ZNF513: variants seen among roughly 807,000 people sequenced by gnomAD.
ZNF513 encodes zinc finger protein 513.
Under a neutral mutation model 39.7 loss-of-function variants are expected in ZNF513, and 16 were observed. That is an observed-to-expected ratio of 0.40 (90% CI 0.27 to 0.61). The LOEUF (loss-of-function observed/expected upper bound fraction) is 0.61, where lower values mean the gene tolerates loss of function less well. ZNF513 is among the 20% of genes least tolerant of loss of function. The pLI is 0.39. For synonymous variants in ZNF513, 348 were observed against 296.5 expected (o/e 1.17, Z -1.79); for missense variants, 699 against 743.6 (o/e 0.94, Z 0.70).
Position 27,377,383 on chromosome 2 carries a change from C to A in ZNF513, c.*162G>T, listed in dbSNP as rs868292796. ...TTCTCACTGAGCTCGTGAAGTGCCT[C>A]AGTCAAGGCAAGGTCCCCTGGTCCA... On this transcript the variant is annotated 3_prime_UTR_variant, in exon 4 of 4. Transcript: ENST00000323703. The surrounding 1 kb of genome is among the most constrained non-coding windows in gnomAD (Gnocchi z 4.4). 19 of 780,290 alleles carry A rather than the reference C, an allele frequency of 2.4e-5. No individual in the cohort carries two copies. The highest frequency in any genetic ancestry group is 3.5e-5 in the Non-Finnish European group (16 of 456,392). 48.3% of individuals were successfully genotyped at this position (780,290 alleles called of 1,614,324 possible).
chr2:27,378,525 T>A lies in ZNF513; in HGVS notation c.741A>T (p.Arg247=). Residue 247 remains arginine, a synonymous_variant, in exon 3 of 4, where the codon CGA becomes CGT. Coordinates refer to ENST00000323703, the MANE Select transcript of ZNF513 (RefSeq NM_144631.6). The surrounding 1 kb of genome is among the most constrained non-coding windows in gnomAD (Gnocchi z 8.0). ...CTGTGGGACTGGGAGGCCGGGCTGG[T>A]CGTGGAGTACAGCAGCGGAAGCCAC... The part of the protein sequence containing the change: ...PTCGFRCCTP[R]PARPPSPTEQ... The A allele has an allele frequency of 6.2e-7, 1 of 1,614,024 alleles. No individual in the cohort carries two copies. The highest frequency in any genetic ancestry group is 8.5e-7 in the Non-Finnish European group (1 of 1,180,016).
In ZNF513 at chr2:27,377,635, T is replaced by G. The variant is rs1195220740; in HGVS notation, c.1536A>C (p.Pro512=). The change falls in exon 4 of 4, where the codon CCA becomes CCC. Residue 512 remains proline (P), a synonymous_variant. Coordinates refer to ENST00000323703, the MANE Select transcript of ZNF513 (RefSeq NM_144631.6). This position sits in a 1 kb window ranked among gnomAD's most constrained non-coding sequence, Gnocchi z 4.4. Reference sequence around the variant, plus strand: ...TCAAAACAGAGGGTGGGCTATGAGGTGGGGCCCAGCCCTCAGAGGCAGAGA... The same window carrying G: ...TCAAAACAGAGGGTGGGCTATGAGGGGGGGCCCAGCCCTCAGAGGCAGAGA... ...PGLSASEGWA[P]PHSPPSVLSS... 3.1e-6 allele frequency: 5 copies of G among 1,613,912 alleles called. No homozygotes were observed. The highest frequency in any genetic ancestry group is 2.7e-5 in the African/African-American group (2 of 74,900).
rs1683480755 is a variant in ZNF513, at chr2:27,378,849, ACCCGGCCCTCCT to A, written c.405_416del (p.Gly139_Pro142del). Reference sequence around the variant, plus strand: ...GCCGTGGGGGCAGCAGGGGCCCCCCACCCGGCCCTCCTGCCCCACAACACGGCCCCTCACCTG... The same window carrying A: ...GCCGTGGGGGCAGCAGGGGCCCCCCAGCCCCACAACACGGCCCCTCACCTG... On this transcript the variant is annotated inframe_deletion, in exon 3 of 4. Coordinates refer to ENST00000323703, the MANE Select transcript of ZNF513 (RefSeq NM_144631.6). This position sits in a 1 kb window ranked among gnomAD's most constrained non-coding sequence, Gnocchi z 8.0. The A allele has an allele frequency of 1.9e-6, 3 of 1,605,216 alleles. No individual in the cohort carries two copies. Among genetic ancestry groups the A allele is most frequent in the Middle Eastern group, 1.7e-4 (1 of 5,984 alleles).
At position 27,378,995 on chromosome 2, in the gene ZNF513, C is replaced by T. The variant is rs780964455; in HGVS notation, c.271G>A (p.Gly91Ser). 6.2e-7 allele frequency: 1 copy of T among 1,613,128 alleles called. No homozygotes were observed. The highest frequency in any genetic ancestry group is 1.3e-5 in the African/African-American group (1 of 74,926). The change falls in exon 3 of 4, where the codon GGC (glycine) becomes AGC (serine). Residue 91 changes from glycine to serine, a missense_variant. Transcript: ENST00000323703. This position sits in a 1 kb window ranked among gnomAD's most constrained non-coding sequence, Gnocchi z 8.0. Reference protein sequence around the residue: ...PYGLSDDESGGGRALSAESEV... With the variant: ...PYGLSDDESGSGRALSAESEV... The stretch of plus-strand genomic sequence containing the variant: ...CTCTCCGCACTTAGTGCCCGGCCGC[C>T]CCCAGACTCATCGTCGCTCAGCCCA...
intron 1 of ZNF513, 80 bp from the exon 2 acceptor site, chr2:27,380,328 C>G (rs1683562084): frequency 1.2e-6 from 2 of 1,611,262 alleles, no homozygotes; most frequent in South Asian, 2.2e-5. Flanking sequence ...CGCTGACCCA[C>G]TCTGATTCCC....
Position 27,379,011 on chromosome 2 carries a change from G to C in ZNF513, c.255C>G (p.Ser85Arg). 1 of 1,613,092 alleles carries C rather than the reference G, an allele frequency of 6.2e-7. No homozygotes were observed. The highest frequency in any genetic ancestry group is 8.5e-7 in the Non-Finnish European group (1 of 1,179,988). The change falls in exon 3 of 4, where the codon AGC becomes AGG. Residue 85 changes from serine to arginine, a missense_variant. Transcript: ENST00000323703. ...CCCGGCCGCCCCCAGACTCATCGTC[G>C]CTCAGCCCATAGGGAAGCCCAGGCC... is the stretch of plus-strand genomic sequence containing the variant. The part of the protein sequence containing the change: ...GARPGLPYGL[S>R]DDESGGGRAL...
chr2:27,377,388 A>C lies in ZNF513; in HGVS notation c.*157T>G. 1.2e-6 allele frequency: 1 copy of C among 809,676 alleles called. No individual in the cohort carries two copies. Among genetic ancestry groups the C allele is most frequent in the Non-Finnish European group, 2.1e-6 (1 of 482,982 alleles). The allele number at this position is 809,676 out of a possible 1,614,324, so 50.2% of individuals were successfully genotyped here. ...ACTGAGCTCGTGAAGTGCCTCAGTC[A>C]AGGCAAGGTCCCCTGGTCCATATGG... On this transcript the variant is annotated 3_prime_UTR_variant, in exon 4 of 4. Coordinates refer to ENST00000323703, the MANE Select transcript of ZNF513 (RefSeq NM_144631.6). The surrounding 1 kb of genome is among the most constrained non-coding windows in gnomAD (Gnocchi z 4.4).
chr2:27,378,615 G>A lies in ZNF513; in HGVS notation c.651C>T (p.Ser217=). 3 of 1,613,830 alleles carry A rather than the reference G, an allele frequency of 1.9e-6. No individual in the cohort carries two copies. The highest frequency in any genetic ancestry group is 2.5e-6 in the Non-Finnish European group (3 of 1,179,972). ...GCTGATGCCGCCTCAGGTTGCCCAG[G>A]CTGCTGCAGGCAAAGGGGCAGTGGG... ...RCPHCPFACS[S]LGNLRRHQRT... Residue 217 remains serine (S), a synonymous_variant, in exon 3 of 4, where the codon AGC becomes AGT. Coordinates refer to ENST00000323703, the MANE Select transcript of ZNF513 (RefSeq NM_144631.6). This position sits in a 1 kb window ranked among gnomAD's most constrained non-coding sequence, Gnocchi z 8.0.
intron 1 of ZNF513, 55 bp downstream of exon 1, chr2:27,380,417 C>G (rs915957246): frequency 8.9e-6 from 14 of 1,576,614 alleles, no homozygotes; most frequent in Non-Finnish European, 1.2e-5. Context: ...TGACCTGAGC[C>G]CACTCCACTG....
rs772637253 is a variant in ZNF513 at position 27,378,530 on chromosome 2, G to T, written c.736C>A (p.Pro246Thr). 4.3e-6 allele frequency: 7 copies of T among 1,614,116 alleles called. No homozygotes were observed. The South Asian group carries it at 7.7e-5, about 18-fold the overall frequency. Reference sequence around the variant, plus strand: ...GGACTGGGAGGCCGGGCTGGTCGTGGAGTACAGCAGCGGAAGCCACAGGTC... The same window carrying T: ...GGACTGGGAGGCCGGGCTGGTCGTGTAGTACAGCAGCGGAAGCCACAGGTC... ...CPTCGFRCCTPRPARPPSPTE... is the reference protein window; with the variant it reads ...CPTCGFRCCTTRPARPPSPTE... The change falls in exon 3 of 4, where the codon CCA becomes ACA. Residue 246 changes from proline to threonine, a missense_variant. Physicochemically the swap from Pro to Thr is conservative, Grantham distance 38. Coordinates refer to ENST00000323703, the MANE Select transcript of ZNF513 (RefSeq NM_144631.6). The surrounding 1 kb of genome is among the most constrained non-coding windows in gnomAD (Gnocchi z 8.0).
chr2:27,378,857 C>G lies in ZNF513; in HGVS notation c.409G>C (p.Gly137Arg). The change falls in exon 3 of 4, where the codon GGG (glycine) becomes CGG (arginine). Residue 137 changes from glycine (G) to arginine (R), a missense_variant. By Grantham distance (125) the Gly-to-Arg change is moderately radical (BLOSUM62 -2). Coordinates refer to ENST00000323703, the MANE Select transcript of ZNF513 (RefSeq NM_144631.6). This position sits in a 1 kb window ranked among gnomAD's most constrained non-coding sequence, Gnocchi z 8.0. ...GGCAGCAGGGGCCCCCCACCCGGCC[C>G]TCCTGCCCCACAACACGGCCCCTCA... The part of the protein sequence containing the change: ...TGEGPCCGAG[G>R]PGGGPLLPPR... The G allele has an allele frequency of 6.2e-7, 1 of 1,605,646 alleles. No homozygotes were observed. Among genetic ancestry groups the G allele is most frequent in the South Asian group, 1.1e-5 (1 of 90,442 alleles).
At position 27,377,777 on chromosome 2, in the gene ZNF513, C is replaced by T. The variant is rs1683403393; in HGVS notation, c.1394G>A (p.Arg465Gln). The change falls in exon 4 of 4, where the codon CGG becomes CAG. Residue 465 changes from arginine to glutamine, a missense_variant. Physicochemically the swap from Arg to Gln is conservative, Grantham distance 43. This residue lies in a region of ZNF513 where 98 missense variants were observed against 180.2 expected (regional missense o/e 0.54). Coordinates refer to ENST00000323703, the MANE Select transcript of ZNF513 (RefSeq NM_144631.6). This position sits in a 1 kb window ranked among gnomAD's most constrained non-coding sequence, Gnocchi z 4.4. The part of the protein sequence containing the change: ...QSMNLKRHML[R>Q]HTGEKPFRCA... ...GCGGAAGGGCTTCTCGCCTGTGTGC[C>T]GCAGCATGTGACGTTTGAGGTTCAT... 4.3e-6 allele frequency: 7 copies of T among 1,612,442 alleles called. No individual in the cohort carries two copies. The highest frequency in any genetic ancestry group is 1.1e-5 in the South Asian group (1 of 90,976).
rs1406744255 is a variant in ZNF513 at position 27,378,714 on chromosome 2, G to A, written c.552C>T (p.Pro184=). Residue 184 remains proline, a synonymous_variant, in exon 3 of 4, where the codon CCC becomes CCT. Transcript: ENST00000323703. The surrounding 1 kb of genome is among the most constrained non-coding windows in gnomAD (Gnocchi z 8.0). The part of the protein sequence containing the change: ...GEKPFRCGRC[P]YASAQLVNLT... ...GGTTGACGAGCTGGGCTGAGGCGTA[G>A]GGGCAGCGGCCACAGCGGAACGGCT... The A allele has an allele frequency of 6.2e-7, 1 of 1,613,928 alleles. No individual in the cohort carries two copies. Among genetic ancestry groups the A allele is most frequent in the Non-Finnish European group, 8.5e-7 (1 of 1,179,968 alleles).
Position 27,380,528 on chromosome 2 carries a change from G to C in ZNF513, c.-2C>G. On this transcript the variant is annotated 5_prime_UTR_variant, in exon 1 of 4. Coordinates refer to ENST00000323703, the MANE Select transcript of ZNF513 (RefSeq NM_144631.6). ...GTGGCTTTGCTTCCTTCGGGGCATC[G>C]TGACCGGCTCCAGCCCGACGCGCCT... 6.4e-7 allele frequency: 1 copy of C among 1,571,486 alleles called. No homozygotes were observed. Among genetic ancestry groups the C allele is most frequent in the Non-Finnish European group, 8.7e-7 (1 of 1,148,798 alleles).
rs768535199 is a variant in ZNF513, at chr2:27,378,226, G to C, written c.945C>G (p.Thr315=). 7 of 1,605,208 alleles carry C rather than the reference G, an allele frequency of 4.4e-6. No individual in the cohort carries two copies. Among genetic ancestry groups the C allele is most frequent in the Non-Finnish European group, 5.9e-6 (7 of 1,179,928 alleles). ...CCAGCTCTTGTCCACAGCCCCGGCA[G>C]GTCCAAGGGAATAGCAGCTCTGGCA... The part of the protein sequence containing the change: ...EPLPELLFPW[T]CRGCGQELEE... The change falls in exon 4 of 4, where the codon ACC becomes ACG. Residue 315 remains threonine, a synonymous_variant. Coordinates refer to ENST00000323703, the MANE Select transcript of ZNF513 (RefSeq NM_144631.6). The surrounding 1 kb of genome is among the most constrained non-coding windows in gnomAD (Gnocchi z 8.0).
In ZNF513 at chr2:27,377,303, C is replaced by T. The variant is rs1372253522; in HGVS notation, c.*242G>A. On this transcript the variant is annotated 3_prime_UTR_variant, in exon 4 of 4. Transcript: ENST00000323703. The surrounding 1 kb of genome is among the most constrained non-coding windows in gnomAD (Gnocchi z 4.4). The stretch of plus-strand genomic sequence containing the variant: ...ATAAACAGGTGGGAGGCTGGGCAGT[C>T]CCCCAGCCGGTTTGTCCACAGCCCC... The T allele has an allele frequency of 1.5e-6, 1 of 650,434 alleles. No homozygotes were observed. Among genetic ancestry groups the T allele is most frequent in the Non-Finnish European group, 2.8e-6 (1 of 360,696 alleles). The allele number at this position is 650,434 out of a possible 1,614,324, so 40.3% of individuals were successfully genotyped here. A position where few individuals can be genotyped will look rare whatever the true frequency, so the allele number is the denominator to read the frequency against.
In ZNF513 at chr2:27,378,279, C is replaced by T; in HGVS notation, c.892G>A (p.Gly298Ser). 1.9e-6 allele frequency: 3 copies of T among 1,601,050 alleles called. No individual in the cohort carries two copies. The highest frequency in any genetic ancestry group is 1.7e-4 in the Middle Eastern group (1 of 6,060). ...DCGQLRGEGE[G>S]LCGTGSEPLP... The stretch of plus-strand genomic sequence containing the variant: ...GGTTCTGATCCAGTCCCGCAGAGGC[C>T]CTCCCCTTCACCCCGCAGCTGCCCA... Residue 298 changes from glycine to serine, a missense_variant, in exon 4 of 4, where the codon GGC (glycine) becomes AGC (serine). By Grantham distance (56) the Gly-to-Ser change is moderately conservative. Transcript: ENST00000323703. The surrounding 1 kb of genome is among the most constrained non-coding windows in gnomAD (Gnocchi z 8.0).
Position 27,379,058 on chromosome 2 carries a change from G to T in ZNF513, c.212-4C>A. 6.2e-7 allele frequency: 1 copy of T among 1,612,358 alleles called. No homozygotes were observed. Among genetic ancestry groups the T allele is most frequent in the South Asian group, 1.1e-5 (1 of 91,050 alleles). On this transcript the variant is annotated splice_region_variant and splice_polypyrimidine_tract_variant and intron_variant, in intron 2 of 3. Transcript: ENST00000323703. Reference sequence around the variant, plus strand: ...GGCCTGGCCCCCAGAGAGTCTCCTGGTGAAATAGACATAAGAAGAGACATC... The same window carrying T: ...GGCCTGGCCCCCAGAGAGTCTCCTGTTGAAATAGACATAAGAAGAGACATC...
Position 27,378,769 on chromosome 2 carries a change from T to G in ZNF513, c.497A>C (p.Lys166Thr), listed in dbSNP as rs1683476202. Residue 166 changes from lysine (K) to threonine (T), a missense_variant, in exon 3 of 4, where the codon AAG (lysine) becomes ACG (threonine). By Grantham distance (78) the Lys-to-Thr change is moderately conservative (BLOSUM62 -1). Coordinates refer to ENST00000323703, the MANE Select transcript of ZNF513 (RefSeq NM_144631.6). The surrounding 1 kb of genome is among the most constrained non-coding windows in gnomAD (Gnocchi z 8.0). ...TCCGCTGTGTGTCTGCATGTGCCGC[T>G]TCAGGTGGCTCGAGTAGTGGGACAC... ...TFVSHYSSHL[K>T]RHMQTHSGEK... 1.2e-6 allele frequency: 2 copies of G among 1,613,902 alleles called. No individual in the cohort carries two copies. Among genetic ancestry groups the G allele is most frequent in the African/African-American group, 2.7e-5 (2 of 74,918 alleles).
Sources: allele counts gnomAD v4.1 joint callset, GRCh38; gene constraint gnomAD v4.1.1; regional missense constraint gnomAD v4.1.1; non-coding constraint Gnocchi (gnomAD v3.1); transcripts MANE v1.5; gene names NCBI Gene and HGNC (gene_info 2026-07-23, HGNC 2026-07-21).